The following PIGBOS1 variants were observed in gnomAD, a reference collection of about 807,000 sequenced individuals.
The protein encoded by PIGBOS1 is PIGB opposite strand 1, also known as protein PIGBOS1.
rs2055096895 is a variant in PIGBOS1 at position 55,318,995 on chromosome 15, C to T, written c.-207G>A. 1.1e-5 allele frequency: 5 copies of T among 460,182 alleles called. No individual in the cohort carries two copies. The South Asian group carries it at 1.2e-4, about 11-fold the overall frequency. The allele number at this position is 460,182 out of a possible 1,614,324, so 28.5% of individuals were successfully genotyped here. ...CTACCGCCTGCTCCCCTCCAGAGAC[C>T]GGGGGCCTTCCAGCAGTTTTCGGAC... On this transcript the variant is annotated 5_prime_UTR_variant, in exon 1 of 2. Coordinates refer to ENST00000436697, the MANE Select transcript of PIGBOS1 (RefSeq NM_001308421.2).
chr15:55,318,158 C>G (rs2055072567), intron 1 of PIGBOS1, among the ~76,000 whole-genome samples: 1 of 147,624 alleles, frequency 6.8e-6, no homozygotes, highest in African/African-American at 2.5e-5. Flanking sequence ...AGTGCAATGG[C>G]GCAATCTCGG....
At position 55,318,022 on chromosome 15, in the gene PIGBOS1, T is replaced by A. The variant is rs556847611; in HGVS notation, c.-75-155A>T. Among the ~76,000 whole-genome samples the A allele has an allele frequency of 2.9e-4, 44 of 152,108 alleles. No individual in the cohort carries two copies. In the South Asian group the frequency reaches 4.8e-3, roughly 17 times the overall value. On this transcript the variant is annotated intron_variant, in intron 1 of 1. Coordinates refer to ENST00000436697, the MANE Select transcript of PIGBOS1 (RefSeq NM_001308421.2). ...TACATAAGGAGTACAGGAAGTGAAT[T>A]AGGGAAGGGTATAAGACAAAACTAA... is the stretch of plus-strand genomic sequence containing the variant.
intron 1 of PIGBOS1, among the ~76,000 whole-genome samples, chr15:55,318,258 C>A (rs1278154201): frequency 6.6e-6 from 1 of 150,988 alleles, no homozygotes; most frequent in African/African-American, 2.4e-5. Context: ...TCACCACACC[C>A]GGCTAATTTT....
chr15:55,317,709 T>C lies in PIGBOS1; in HGVS notation c.84A>G (p.Val28=), dbSNP rs1595759877. 3 of 398,662 alleles carry C rather than the reference T, an allele frequency of 7.5e-6. No individual in the cohort carries two copies. Among genetic ancestry groups the C allele is most frequent in the Non-Finnish European group, 1.3e-5 (3 of 226,060 alleles). 24.7% of individuals were successfully genotyped at this position (398,662 alleles called of 1,614,324 possible). The stretch of plus-strand genomic sequence containing the variant: ...TCTGATCTTTGGCATACTGTTCAAA[T>C]ACTGGTTGAAAAATATATACTCCTC... ...IAGGVYIFQP[V]FEQYAKDQKE... Residue 28 remains valine (V), a synonymous_variant, in exon 2 of 2, where the codon GTA becomes GTG. Coordinates refer to ENST00000436697, the MANE Select transcript of PIGBOS1 (RefSeq NM_001308421.2).
chr15:55,318,358 A>G (rs1055271428), intron 1 of PIGBOS1, among the ~76,000 whole-genome samples: 15 of 149,866 alleles, frequency 1.0e-4, no homozygotes, highest in East Asian at 4.1e-4. Context: ...TGGCCTCCCA[A>G]AGTACTGGGA....
rs984681116 is a variant in PIGBOS1, at chr15:55,319,040, C to G, written c.-252G>C. 11 of 575,042 alleles carry G rather than the reference C, an allele frequency of 1.9e-5. No individual in the cohort carries two copies. The East Asian group carries it at 3.5e-4, about 18-fold the overall frequency. 35.6% of individuals were successfully genotyped at this position (575,042 alleles called of 1,614,324 possible). ...TCGGACCCCCGAGCACAGAGACCGC[C>G]AAGCCAAAGGCGAGTAGCAATCCCT... On this transcript the variant is annotated 5_prime_UTR_variant, in exon 1 of 2. Transcript: ENST00000436697.
chr15:55,319,086 G>C lies in PIGBOS1; in HGVS notation c.-298C>G. 1.2e-6 allele frequency: 1 copy of C among 813,184 alleles called. No individual in the cohort carries two copies. The highest frequency in any genetic ancestry group is 2.1e-5 in the South Asian group (1 of 48,358). The allele number at this position is 813,184 out of a possible 1,614,324, so 50.4% of individuals were successfully genotyped here. A position where few individuals can be genotyped will look rare whatever the true frequency, so the allele number is the denominator to read the frequency against. ...TCCCTCGGTTCGGAAACGGCGAAAG[G>C]AAACCGCAAGGAGGCCACCACGTCG... On this transcript the variant is annotated 5_prime_UTR_variant, in exon 1 of 2. Coordinates refer to ENST00000436697, the MANE Select transcript of PIGBOS1 (RefSeq NM_001308421.2).
chr15:55,317,312 T>G lies in PIGBOS1; in HGVS notation c.*316A>C, dbSNP rs1287827816. ...TTCATCTCCATGAGGTATTTGTGGG[T>G]TTTTTTGCTTTTTGTTTTTTTAGAT... On this transcript the variant is annotated 3_prime_UTR_variant, in exon 2 of 2. Coordinates refer to ENST00000436697, the MANE Select transcript of PIGBOS1 (RefSeq NM_001308421.2). 1.9e-5 allele frequency: 3 copies of G among 160,914 alleles called. No individual in the cohort carries two copies. The highest frequency in any genetic ancestry group is 2.0e-4 in the South Asian group (1 of 4,894). 10.0% of individuals were successfully genotyped at this position (160,914 alleles called of 1,614,324 possible).
At chr15:55,317,988 G>T in intron 1 of PIGBOS1, 121 bp from the exon 2 acceptor site, 1 of 336,794 alleles carries the variant, frequency 3.0e-6, no homozygotes. Flanking sequence ...ATTAAAACAA[G>T]AATATAAATA....
chr15:55,318,725 C>CA (rs113104171), intron 1 of PIGBOS1, 139 bp downstream of exon 1: 64,524 of 144,598 alleles, frequency 0.45, 17,678 homozygotes, highest in African/African-American at 0.76. Context: ...AAAACAAAAA[C>CA]AAAAAAAAAA....
At position 55,317,600 on chromosome 15, in the gene PIGBOS1, A is replaced by G. The variant is rs2055059148; in HGVS notation, c.*28T>C. 5.0e-6 allele frequency: 2 copies of G among 396,086 alleles called. No homozygotes were observed. The highest frequency in any genetic ancestry group is 8.9e-6 in the Non-Finnish European group (2 of 224,426). 24.5% of individuals were successfully genotyped at this position (396,086 alleles called of 1,614,324 possible). Reference sequence around the variant, plus strand: ...AGTGCTGGGATTACAGGCGTGAGCCACTGCGCCAGGCCTAACTCCATGTAG... The same window carrying G: ...AGTGCTGGGATTACAGGCGTGAGCCGCTGCGCCAGGCCTAACTCCATGTAG... On this transcript the variant is annotated 3_prime_UTR_variant, in exon 2 of 2. Transcript: ENST00000436697.
chr15:55,318,942 C>G lies in PIGBOS1; in HGVS notation c.-154G>C, dbSNP rs1184651723. The G allele has an allele frequency of 1.2e-5, 4 of 328,692 alleles. No homozygotes were observed. The highest frequency in any genetic ancestry group is 8.5e-5 in the African/African-American group (4 of 46,796). 20.4% of individuals were successfully genotyped at this position (328,692 alleles called of 1,614,324 possible). A position where few individuals can be genotyped will look rare whatever the true frequency, so the allele number is the denominator to read the frequency against. ...AACCACTCAGGTACCTCCGACTGTT[C>G]TGCGCCTGCTCCACGTCACTAAACT... On this transcript the variant is annotated 5_prime_UTR_variant, in exon 1 of 2. Transcript: ENST00000436697.
chr15:55,319,115 G>A lies in PIGBOS1; in HGVS notation c.-327C>T. ...CCGCAAGGAGGCCACCACGTCGGGT[G>A]GGAGCTACGAAGTTGCCCGTTCCCG... On this transcript the variant is annotated 5_prime_UTR_variant, in exon 1 of 2. Transcript: ENST00000436697. 1 of 1,042,304 alleles carries A rather than the reference G, an allele frequency of 9.6e-7. No individual in the cohort carries two copies. Among genetic ancestry groups the A allele is most frequent in the Non-Finnish European group, 1.3e-6 (1 of 741,316 alleles). The allele number at this position is 1,042,304 out of a possible 1,614,324, so 64.6% of individuals were successfully genotyped here.
Position 55,317,346 on chromosome 15 carries a change from G to C in PIGBOS1, c.*282C>G, listed in dbSNP as rs1213820671. 1 of 181,610 alleles carries C rather than the reference G, an allele frequency of 5.5e-6. No individual in the cohort carries two copies. Among genetic ancestry groups the C allele is most frequent in the Non-Finnish European group, 1.1e-5 (1 of 87,886 alleles). The allele number at this position is 181,610 out of a possible 1,614,324, so 11.2% of individuals were successfully genotyped here. On this transcript the variant is annotated 3_prime_UTR_variant, in exon 2 of 2. Coordinates refer to ENST00000436697, the MANE Select transcript of PIGBOS1 (RefSeq NM_001308421.2). ...TTTTTGTTTTTTTAGATGGAGTCTC[G>C]CTCTGTCACCCAGGCTGGAGTGCAG...
chr15:55,318,396 C>G (rs1443527681), intron 1 of PIGBOS1, among the ~76,000 whole-genome samples: 4 of 145,960 alleles, frequency 2.7e-5, no homozygotes, highest in Non-Finnish European at 4.5e-5. Flanking sequence ...CGCGCCCGGC[C>G]TGGTTTTACT....
intron 1 of PIGBOS1, among the ~76,000 whole-genome samples, chr15:55,318,474 G>A (rs1213493527): frequency 2.3e-4 from 35 of 150,282 alleles, no homozygotes. Flanking sequence ...GGAGGCCGAG[G>A]CGGGCGGATC....
Position 55,317,672 on chromosome 15 carries a change from C to A in PIGBOS1, c.121G>T (p.Glu41Ter). 1 of 398,626 alleles carries A rather than the reference C, an allele frequency of 2.5e-6. No individual in the cohort carries two copies. 24.7% of individuals were successfully genotyped at this position (398,626 alleles called of 1,614,324 possible). ...GATTCTTGTACCAACTGCATCTTTTCTTTTAATTCCTTCTGATCTTTGGCA... is the reference window on the plus strand; with the variant it reads ...GATTCTTGTACCAACTGCATCTTTTATTTTAATTCCTTCTGATCTTTGGCA... ...QYAKDQKELKEKMQLVQESEE... is the reference protein window; with the variant it reads ...QYAKDQKELK Residue 41 changes from glutamate (E) to a stop codon, truncating the protein, a stop_gained, in exon 2 of 2, where the codon GAA (glutamate) becomes TAA (stop). Coordinates refer to ENST00000436697, the MANE Select transcript of PIGBOS1 (RefSeq NM_001308421.2). LOFTEE classifies it high-confidence loss of function.
At position 55,317,442 on chromosome 15, in the gene PIGBOS1, G is replaced by A. The variant is rs1318970653; in HGVS notation, c.*186C>T. ...TGATGCTCCTGCCTCAGCCTCCCAA[G>A]TAGCTGGGATTACAGGCGCATGCCA... is the stretch of plus-strand genomic sequence containing the variant. On this transcript the variant is annotated 3_prime_UTR_variant, in exon 2 of 2. Transcript: ENST00000436697. 7.8e-6 allele frequency: 2 copies of A among 257,748 alleles called. No homozygotes were observed. The highest frequency in any genetic ancestry group is 2.2e-5 in the African/African-American group (1 of 44,984). 16.0% of individuals were successfully genotyped at this position (257,748 alleles called of 1,614,324 possible). A position where few individuals can be genotyped will look rare whatever the true frequency, so the allele number is the denominator to read the frequency against.
rs2055098742 is a variant in PIGBOS1 at position 55,319,066 on chromosome 15, C to G, written c.-278G>C. On this transcript the variant is annotated 5_prime_UTR_variant, in exon 1 of 2. Transcript: ENST00000436697. ...AAGCCAAAGGCGAGTAGCAATCCCT[C>G]GGTTCGGAAACGGCGAAAGGAAACC... 4.4e-6 allele frequency: 3 copies of G among 675,938 alleles called. No individual in the cohort carries two copies. Among genetic ancestry groups the G allele is most frequent in the Non-Finnish European group, 4.7e-6 (2 of 421,376 alleles). 41.9% of individuals were successfully genotyped at this position (675,938 alleles called of 1,614,324 possible). A position where few individuals can be genotyped will look rare whatever the true frequency, so the allele number is the denominator to read the frequency against.
Sources: gnomAD v4.1 joint callset for allele counts (sites outside exome capture counted in the v4.1 genomes callset) on GRCh38, gnomAD v4.1.1 for gene constraint, MANE v1.5 for transcripts, NCBI Gene and HGNC (gene_info 2026-07-23, HGNC 2026-07-21) for gene names.